The following SLC4A10 variants were observed in gnomAD, a reference collection of about 807,000 sequenced individuals.
SLC4A10 encodes sodium-driven chloride bicarbonate exchanger.
In SLC4A10, 42 loss-of-function variants were observed where a neutral mutation model predicts 137.7. The observed-to-expected ratio is 0.30, with a 90% CI of 0.24 to 0.39. SLC4A10 has a LOEUF of 0.39. Among genes scored for constraint, SLC4A10 ranks in the 10% least tolerant of loss-of-function variants. The pLI is 1.00. For missense variants in SLC4A10, 925 were observed against 1,355.0 expected, an observed-to-expected ratio of 0.68 and a Z score of 4.98; for synonymous variants, 474 against 464.1, an observed-to-expected ratio of 1.02 and a Z score of -0.27.
intron 3 of SLC4A10, among the ~76,000 whole-genome samples, chr2:161,824,070 G>A (rs143334807): frequency 1.4e-4 from 22 of 152,276 alleles, no homozygotes; most frequent in East Asian, 7.7e-4. Flanking sequence ...GTACCTTACC[G>A]GTAAGGAAAT....
chr2:161,869,093 C>A (rs542197848), intron 6 of SLC4A10, among the ~76,000 whole-genome samples: 1 of 151,742 alleles, frequency 6.6e-6, no homozygotes, highest in South Asian at 2.1e-4. Context: ...TATATGAGTG[C>A]TAAATCCTAA....
chr2:161,902,366 AG>A (rs1279261918), intron 12 of SLC4A10, among the ~76,000 whole-genome samples: 2 of 152,188 alleles, frequency 1.3e-5, no homozygotes, highest in African/African-American at 4.8e-5. Context: ...TTTTGGGATT[AG>A]GTGGGATATA....
chr2:161,661,828 C>T (rs959171218), intron 1 of SLC4A10, among the ~76,000 whole-genome samples: 1 of 152,022 alleles, frequency 6.6e-6, no homozygotes, highest in South Asian at 2.1e-4. Flanking sequence ...CTTAAGATTT[C>T]AGCAAAAAAA....
chr2:161,970,863 A>C (rs1323009433), intron 23 of SLC4A10, among the ~76,000 whole-genome samples: 1 of 152,206 alleles, frequency 6.6e-6, no homozygotes, highest in Non-Finnish European at 1.5e-5. Flanking sequence ...CCAGGATTTG[A>C]CTTCAATTTA....
Position 161,909,339 on chromosome 2 carries a change from T to G in SLC4A10, c.1997+3452T>G, listed in dbSNP as rs1450710171. Among the ~76,000 whole-genome samples, 7 of 152,318 alleles carry G rather than the reference T, an allele frequency of 4.6e-5. No individual in the cohort carries two copies. The South Asian group carries it at 1.5e-3, about 32-fold the overall frequency. ...AAAGTGATCCCGCATGTTTAAGTTT[T>G]CCTTGGATCAATGTGAGCATCTAAA... On this transcript the variant is annotated intron_variant, in intron 15 of 26. Transcript: ENST00000446997.
At chr2:161,703,952 C>T (rs1426117560) in intron 1 of SLC4A10, among the ~76,000 whole-genome samples, 2 of 151,650 alleles carry the variant, frequency 1.3e-5, no homozygotes, top group Non-Finnish European at 3.0e-5. Context: ...ATAAGGTGTT[C>T]TTTCCTAATA....
intron 15 of SLC4A10, among the ~76,000 whole-genome samples, chr2:161,910,991 A>T (rs1685701958): frequency 6.6e-6 from 1 of 152,044 alleles, no homozygotes; most frequent in Admixed American, 6.5e-5. Context: ...GTATCACTTA[A>T]TATGTAAATA....
chr2:161,636,870 TTTTTTA>T (rs1037925118), intron 1 of SLC4A10, among the ~76,000 whole-genome samples: 58 of 150,840 alleles, frequency 3.8e-4, no homozygotes, highest in Admixed American at 3.0e-3. Flanking sequence ...ATTTTTTTAT[TTTTTTA>T]TTTTTATTTT....
In SLC4A10 at chr2:161,731,570, G is replaced by A. The variant is rs185797371; in HGVS notation, c.49-39403G>A. Among the ~76,000 whole-genome samples, 1,007 of 152,198 alleles carry A rather than the reference G, an allele frequency of 6.6e-3. 9 individuals are homozygous for A. The highest frequency in any genetic ancestry group is 0.012 in the Non-Finnish European group (785 of 67,968). ...AGACATATGTAACTTTGACAAAAAT[G>A]AAAGTAGGAAAATAATAGATGCTTA... On this transcript the variant is annotated intron_variant, in intron 1 of 26. Coordinates refer to ENST00000446997, the MANE Select transcript of SLC4A10 (RefSeq NM_001178015.2).
chr2:161,658,731 C>G (rs969941396), intron 1 of SLC4A10, among the ~76,000 whole-genome samples: 1 of 151,062 alleles, frequency 6.6e-6, no homozygotes, highest in Non-Finnish European at 1.5e-5. Context: ...ACTGGGGTTA[C>G]AGGTGCATGC....
intron 3 of SLC4A10, among the ~76,000 whole-genome samples, chr2:161,806,388 C>T (rs2055963042): frequency 6.6e-6 from 1 of 152,150 alleles, no homozygotes; most frequent in African/African-American, 2.4e-5. Flanking sequence ...TTGAATTTCT[C>T]CTCAGAAAAT....
At position 161,826,388 on chromosome 2, in the gene SLC4A10, A is replaced by G. The variant is rs529926599; in HGVS notation, c.278-13401A>G. Among the ~76,000 whole-genome samples, 389 of 152,322 alleles carry G rather than the reference A, an allele frequency of 2.6e-3. 8 individuals are homozygous for G. The highest frequency in any genetic ancestry group is 9.6e-4 in the East Asian group (5 of 5,186). ...GTAACCAAGGCTTGTGTACTTCATGACAGCAAGATTACATATTAAAATGGA... is the reference window on the plus strand; with the variant it reads ...GTAACCAAGGCTTGTGTACTTCATGGCAGCAAGATTACATATTAAAATGGA... On this transcript the variant is annotated intron_variant, in intron 3 of 26. Coordinates refer to ENST00000446997, the MANE Select transcript of SLC4A10 (RefSeq NM_001178015.2).
chr2:161,828,548 T>C (rs2058181324), intron 3 of SLC4A10, among the ~76,000 whole-genome samples: 1 of 147,772 alleles, frequency 6.8e-6, no homozygotes, highest in Non-Finnish European at 1.5e-5. Context: ...TATTTGTATA[T>C]ATAAATATAT....
In SLC4A10 at chr2:161,964,272, A is replaced by G; in HGVS notation, c.3000A>G (p.Ile1000Met). 1 of 1,613,640 alleles carries G rather than the reference A, an allele frequency of 6.2e-7. No individual in the cohort carries two copies. The highest frequency in any genetic ancestry group is 8.5e-7 in the Non-Finnish European group (1 of 1,179,664). ...QMSCLGLLWI[I>M]KVSRAAIVFP... Reference sequence around the variant, plus strand: ...GTTGCCTTGGCCTTTTGTGGATAATAAAAGTTTCAAGAGCTGCTATTGTCT... The same window carrying G: ...GTTGCCTTGGCCTTTTGTGGATAATGAAAGTTTCAAGAGCTGCTATTGTCT... Residue 1000 changes from isoleucine (I) to methionine (M), a missense_variant, in exon 22 of 27, where the codon ATA becomes ATG. Ile to Met is a conservative substitution (Grantham distance 10). This residue lies in a region of SLC4A10 where 115 missense variants were observed against 237.5 expected (regional missense o/e 0.48). Transcript: ENST00000446997.
At chr2:161,674,423 A>T (rs2040067753) in intron 1 of SLC4A10, among the ~76,000 whole-genome samples, 1 of 152,218 alleles carries the variant, frequency 6.6e-6, no homozygotes, top group South Asian at 2.1e-4. Flanking sequence ...ATTATAGCAG[A>T]TGTTTAATAG....
Position 161,900,811 on chromosome 2 carries a change from G to A in SLC4A10, c.1342-100G>A, listed in dbSNP as rs75856667. Reference sequence around the variant, plus strand: ...TACAGAGCCTGGGTTCTCAGCTATTGTGCATATTGCTTCAAGGAAAAATGA... The same window carrying A: ...TACAGAGCCTGGGTTCTCAGCTATTATGCATATTGCTTCAAGGAAAAATGA... On this transcript the variant is annotated intron_variant, in intron 11 of 26. Transcript: ENST00000446997. 4.6e-3 allele frequency: 3,610 copies of A among 783,006 alleles called. 107 individuals carry two copies. The African/African-American group carries it at 0.056, about 12-fold the overall frequency. 48.5% of individuals were successfully genotyped at this position (783,006 alleles called of 1,614,324 possible).
chr2:161,775,572 G>GA (rs1393095340), intron 2 of SLC4A10, among the ~76,000 whole-genome samples: 2 of 151,836 alleles, frequency 1.3e-5, no homozygotes, highest in African/African-American at 2.4e-5. Flanking sequence ...TGAATCTGAT[G>GA]AAAAAACAAT....
intron 15 of SLC4A10, among the ~76,000 whole-genome samples, chr2:161,915,497 T>C (rs565428199): frequency 2.0e-5 from 3 of 152,286 alleles, no homozygotes; most frequent in African/African-American, 4.8e-5. Context: ...CTCTCACTGA[T>C]GGTGAGCAGC....
chr2:161,674,982 C>G (rs2040125743), intron 1 of SLC4A10, among the ~76,000 whole-genome samples: 1 of 152,196 alleles, frequency 6.6e-6, no homozygotes, highest in East Asian at 1.9e-4. Context: ...ACTTGTTTCT[C>G]CTTCCAAGTT....
Sources: allele counts gnomAD v4.1 joint callset (sites outside exome capture counted in the v4.1 genomes callset), GRCh38; gene constraint gnomAD v4.1.1; regional missense constraint gnomAD v4.1.1; transcripts MANE v1.5; gene names NCBI Gene and HGNC (gene_info 2026-07-23, HGNC 2026-07-21).